The following SLC6A6 variants were observed in gnomAD, a reference collection of about 807,000 sequenced individuals.
The protein encoded by SLC6A6 is sodium- and chloride-dependent taurine transporter.
In SLC6A6, 16 loss-of-function variants were observed where a neutral mutation model predicts 68.8. The observed-to-expected ratio is 0.23, with a 90% CI of 0.16 to 0.35. SLC6A6 has a LOEUF of 0.35. Among genes scored for constraint, SLC6A6 ranks in the 10% least tolerant of loss-of-function variants. The probability of loss-of-function intolerance (pLI) is 1.00; values close to 1 mark genes in which losing one functional copy is unlikely to be tolerated. For missense variants in SLC6A6, 474 were observed against 802.8 expected, an observed-to-expected ratio of 0.59 and a Z score of 4.95; for synonymous variants, 312 against 315.4, an observed-to-expected ratio of 0.99 and a Z score of 0.12.
chr3:14,468,572 G>C lies in SLC6A6; in HGVS notation c.1096+360G>C, dbSNP rs1346199170. ...TCAGGCCCAAGTCAGCCACCAATCG[G>C]CATTCCATCACCACCTTCTCAGCCT... On this transcript the variant is annotated intron_variant, in intron 9 of 14. Transcript: ENST00000622186. This position sits in a 1 kb window ranked among gnomAD's most constrained non-coding sequence, Gnocchi z 4.5. Among the ~76,000 whole-genome samples the C allele has an allele frequency of 6.6e-6, 1 of 152,020 alleles. No homozygotes were observed. The highest frequency in any genetic ancestry group is 1.5e-5 in the Non-Finnish European group (1 of 67,998).
At position 14,481,358 on chromosome 3, in the gene SLC6A6, C is replaced by T. The variant is rs73134900; in HGVS notation, c.1552-313C>T. ...CTTCAGGGTGGCTGGAGTGTGGACA[C>T]GGAGGGAGAGTTGAGGCAGATGAGG... On this transcript the variant is annotated intron_variant, in intron 13 of 14. Coordinates refer to ENST00000622186, the MANE Select transcript of SLC6A6 (RefSeq NM_003043.6). This position sits in a 1 kb window ranked among gnomAD's most constrained non-coding sequence, Gnocchi z 4.7. 0.047 allele frequency among the ~76,000 whole-genome samples: 7,077 copies of T among 152,054 alleles called. 549 individuals are homozygous for T. The highest frequency in any genetic ancestry group is 0.16 in the African/African-American group (6,628 of 41,434).
At chr3:14,458,609 A>G (rs992129012) in intron 6 of SLC6A6, among the ~76,000 whole-genome samples, 3 of 152,186 alleles carry the variant, frequency 2.0e-5, no homozygotes, top group Admixed American at 1.3e-4. Flanking sequence ...TACAAACTCC[A>G]AGGCTGCGTT....
At chr3:14,449,559 T>C (rs936586053) in intron 5 of SLC6A6, among the ~76,000 whole-genome samples, 1 of 152,168 alleles carries the variant, frequency 6.6e-6, no homozygotes, top group African/African-American at 2.4e-5. Flanking sequence ...CCTCAGACAT[T>C]GACTGGCCTG....
intron 13 of SLC6A6, among the ~76,000 whole-genome samples, chr3:14,480,930 T>C (rs1329087364): frequency 6.6e-6 from 1 of 152,200 alleles, no homozygotes; most frequent in Non-Finnish European, 1.5e-5. Flanking sequence ...GGCTGGGCTG[T>C]GGACACCGAA....
At chr3:14,447,457 G>A (rs1700151560) in intron 4 of SLC6A6, 125 bp from the exon 5 acceptor site, 15 of 1,144,882 alleles carry the variant, frequency 1.3e-5, no homozygotes, top group Non-Finnish European at 1.8e-5. Flanking sequence ...ATATTTGGTG[G>A]TCACTGTTGA....
At position 14,417,000 on chromosome 3, in the gene SLC6A6, G is replaced by A. The variant is rs147063190; in HGVS notation, c.-12+547G>A. On this transcript the variant is annotated intron_variant, in intron 2 of 14. Coordinates refer to ENST00000622186, the MANE Select transcript of SLC6A6 (RefSeq NM_003043.6). The stretch of plus-strand genomic sequence containing the variant: ...GCTGGCACTACAGGCGCGTGCCGCC[G>A]TGCCCAGCTTATTTTTGTATTTTTT... Among the ~76,000 whole-genome samples the A allele has an allele frequency of 6.8e-3, 1,029 of 152,280 alleles. 11 individuals carry two copies. The highest frequency in any genetic ancestry group is 0.024 in the African/African-American group (981 of 41,556).
intron 13 of SLC6A6, 65 bp downstream of exon 13, chr3:14,479,250 G>A (rs1442284232): frequency 1.1e-5 from 11 of 978,080 alleles, no homozygotes; most frequent in South Asian, 7.7e-5. Flanking sequence ...ATTTTCACCC[G>A]CTAAACCATC....
rs77281748 is a variant in SLC6A6 at position 14,413,382 on chromosome 3, G to T, written c.-53-3030G>T. On this transcript the variant is annotated intron_variant, in intron 1 of 14. Coordinates refer to ENST00000622186, the MANE Select transcript of SLC6A6 (RefSeq NM_003043.6). ...AGCCACGCAGGCATTCTCCGTAATC[G>T]CCGTCTGCTTTGAGGACAGAGAGGT... is the stretch of plus-strand genomic sequence containing the variant. Among the ~76,000 whole-genome samples the T allele has an allele frequency of 2.4e-3, 373 of 152,318 alleles. 2 individuals carry two copies. The highest frequency in any genetic ancestry group is 8.5e-3 in the African/African-American group (352 of 41,566).
Position 14,455,983 on chromosome 3 carries a change from A to G in SLC6A6, c.600-1967A>G, listed in dbSNP as rs567734786. Among the ~76,000 whole-genome samples the G allele has an allele frequency of 2.6e-5, 4 of 152,384 alleles. No individual in the cohort carries two copies. In the South Asian group the frequency reaches 8.3e-4, roughly 32 times the overall value. On this transcript the variant is annotated intron_variant, in intron 5 of 14. Transcript: ENST00000622186. ...TAAAATTTAGGCTCTGTTTTCTCTT[A>G]AAACCAGACCAACAGTGTAGTGGAG...
chr3:14,466,299 A>G (rs1294138864), intron 6 of SLC6A6, among the ~76,000 whole-genome samples: 3 of 147,140 alleles, frequency 2.0e-5, no homozygotes, highest in African/African-American at 7.5e-5. Context: ...GAAATCTGTG[A>G]GGTAGGTACC....
chr3:14,478,778 T>A (rs1469878), intron 12 of SLC6A6: 593,624 of 598,056 alleles, frequency 0.99, 294,625 homozygotes, highest in East Asian at 1. Context: ...GTTTTCACAG[T>A]TTCAGAACTT....
chr3:14,475,498 A>G (rs2164575), intron 10 of SLC6A6, among the ~76,000 whole-genome samples: 125,699 of 152,202 alleles, frequency 0.83, 52,516 homozygotes, highest in East Asian at 0.96. Context: ...TGCCAAGTGG[A>G]CAAGATCCTC....
rs1381349833 is a variant in SLC6A6 at position 14,477,836 on chromosome 3, A to G, written c.1347+494A>G. The stretch of plus-strand genomic sequence containing the variant: ...ACTATTCAGAGGGTGAGCAGGGGCC[A>G]GGAGGAGGGGCGATTTCAGATGCAG... On this transcript the variant is annotated intron_variant, in intron 11 of 14. Transcript: ENST00000622186. This position sits in a 1 kb window ranked among gnomAD's most constrained non-coding sequence, Gnocchi z 4.2. Among the ~76,000 whole-genome samples the G allele has an allele frequency of 6.6e-6, 1 of 152,190 alleles. No homozygotes were observed. The highest frequency in any genetic ancestry group is 1.5e-5 in the Non-Finnish European group (1 of 68,016).
At chr3:14,473,062 T>A (rs1700790734) in intron 10 of SLC6A6, among the ~76,000 whole-genome samples, 1 of 152,192 alleles carries the variant, frequency 6.6e-6, no homozygotes, top group East Asian at 1.9e-4. Flanking sequence ...AGGTGACTCA[T>A]GGCCAGGGAA....
At chr3:14,418,895 A>C (rs1699424327) in intron 2 of SLC6A6, among the ~76,000 whole-genome samples, 1 of 152,180 alleles carries the variant, frequency 6.6e-6, no homozygotes, top group Non-Finnish European at 1.5e-5. Flanking sequence ...AGCTGACTCT[A>C]GCCCACTTCC....
At chr3:14,459,462 C>G (rs1700445318) in intron 6 of SLC6A6, among the ~76,000 whole-genome samples, 1 of 152,100 alleles carries the variant, frequency 6.6e-6, no homozygotes, top group South Asian at 2.1e-4. Context: ...GTGCACCCCC[C>G]TCCAACACAC....
rs993279878 is a variant in SLC6A6, at chr3:14,447,649, G to A, written c.432G>A (p.Trp144Ter). The A allele has an allele frequency of 6.2e-7, 1 of 1,614,078 alleles. No homozygotes were observed. Among genetic ancestry groups the A allele is most frequent in the African/African-American group, 1.3e-5 (1 of 74,916 alleles). ...LNVYYIVILA[W>*]ATYYLFQSFQ... ...TCTACTACATCGTCATCCTGGCCTG[G>A]GCCACATACTACCTGTTCCAGTCCT... Residue 144 changes from tryptophan (W) to a stop codon, truncating the protein, a stop_gained, in exon 5 of 15, where the codon TGG (tryptophan) becomes TGA (stop). Coordinates refer to ENST00000622186, the MANE Select transcript of SLC6A6 (RefSeq NM_003043.6). LOFTEE classifies it high-confidence loss of function.
At chr3:14,443,944 G>A (rs1192100293) in intron 3 of SLC6A6, 81 bp downstream of exon 3, 1 of 1,003,780 alleles carries the variant, frequency 1.0e-6, no homozygotes, top group Non-Finnish European at 1.5e-6. Flanking sequence ...GAGCGTGGGT[G>A]GCCTCTCTTT....
intron 2 of SLC6A6, among the ~76,000 whole-genome samples, chr3:14,417,926 G>T (rs1699402161): frequency 6.6e-6 from 1 of 152,136 alleles, no homozygotes; most frequent in South Asian, 2.1e-4. Flanking sequence ...TTTAAAAAGG[G>T]TTTAAGGGAT....
Sources: allele counts gnomAD v4.1 joint callset (sites outside exome capture counted in the v4.1 genomes callset), GRCh38; gene constraint gnomAD v4.1.1; non-coding constraint Gnocchi (gnomAD v3.1); transcripts MANE v1.5; gene names NCBI Gene and HGNC (gene_info 2026-07-23, HGNC 2026-07-21).